FBXL7: variants seen among roughly 807,000 people sequenced by gnomAD.
FBXL7 encodes the protein F-box and leucine rich repeat protein 7.
In FBXL7, 12 loss-of-function variants were observed where a neutral mutation model predicts 38.3. The ratio of observed to expected loss-of-function variants is 0.31; its 90% confidence interval spans 0.20 to 0.51. FBXL7 has a LOEUF of 0.51. FBXL7 is among the 20% of genes least tolerant of loss of function. FBXL7 has a pLI of 0.98. For missense variants in FBXL7, 567 were observed against 676.4 expected (o/e 0.84, Z 1.79); for synonymous variants, 297 against 300.9 (o/e 0.99, Z 0.13).
chr5:15,685,977 T>G (rs1743003732), intron 2 of FBXL7, among the ~76,000 whole-genome samples: 1 of 152,090 alleles, frequency 6.6e-6, no homozygotes, highest in Admixed American at 6.5e-5. Context: ...AGAACAACAG[T>G]CCCGGGGGGA....
At chr5:15,760,242 C>T (rs1736404435) in intron 2 of FBXL7, among the ~76,000 whole-genome samples, 1 of 151,988 alleles carries the variant, frequency 6.6e-6, no homozygotes. Flanking sequence ...AAAGCATGCA[C>T]AAACCATAGC....
intron 2 of FBXL7, among the ~76,000 whole-genome samples, chr5:15,694,620 AG>A (rs1579384355): frequency 6.6e-6 from 1 of 152,314 alleles, no homozygotes; most frequent in East Asian, 1.9e-4. Context: ...CTCGAGGAAT[AG>A]CTGTAGGACA....
At chr5:15,629,956 G>A (rs1302900305) in intron 2 of FBXL7, among the ~76,000 whole-genome samples, 4 of 152,010 alleles carry the variant, frequency 2.6e-5, no homozygotes, top group African/African-American at 9.7e-5. Context: ...GGAAACTTGA[G>A]GTACATCATG....
At chr5:15,591,640 A>G (rs1003277179) in intron 1 of FBXL7, among the ~76,000 whole-genome samples, 24 of 152,256 alleles carry the variant, frequency 1.6e-4, no homozygotes, top group African/African-American at 5.5e-4. Flanking sequence ...CTCAAATAAC[A>G]TCAGTCCCCT....
At chr5:15,765,156 G>C (rs1242606960) in intron 2 of FBXL7, among the ~76,000 whole-genome samples, 2 of 151,978 alleles carry the variant, frequency 1.3e-5, no homozygotes, top group Non-Finnish European at 2.9e-5. Flanking sequence ...ACCCTTCTTG[G>C]TGCACAGGTG....
chr5:15,669,363 G>A (rs1018889912), intron 2 of FBXL7, among the ~76,000 whole-genome samples: 4 of 152,060 alleles, frequency 2.6e-5, no homozygotes, highest in African/African-American at 9.7e-5. Flanking sequence ...CTTACTGAGG[G>A]GGAATAATTG....
At chr5:15,819,920 A>T (rs1738126405) in intron 2 of FBXL7, among the ~76,000 whole-genome samples, 1 of 152,160 alleles carries the variant, frequency 6.6e-6, no homozygotes, top group Non-Finnish European at 1.5e-5. Flanking sequence ...TAGAATACAG[A>T]AACTATGGCC....
chr5:15,867,033 A>G (rs897227616), intron 2 of FBXL7, among the ~76,000 whole-genome samples: 2 of 152,190 alleles, frequency 1.3e-5, no homozygotes, highest in Admixed American at 6.5e-5. Flanking sequence ...GAGGTGAGGC[A>G]TAGAGCAGCG....
At chr5:15,844,366 G>A (rs1438225507) in intron 2 of FBXL7, among the ~76,000 whole-genome samples, 1 of 152,202 alleles carries the variant, frequency 6.6e-6, no homozygotes, top group Non-Finnish European at 1.5e-5. Context: ...TGTGAGAGGA[G>A]TTGGGCTTGA....
At chr5:15,711,430 C>A (rs900012361) in intron 2 of FBXL7, among the ~76,000 whole-genome samples, 1 of 152,214 alleles carries the variant, frequency 6.6e-6, no homozygotes, top group Admixed American at 6.5e-5. Context: ...TAAGAGCTCA[C>A]CTTCCTCCAG....
chr5:15,580,639 C>G, intron 1 of FBXL7: 4 of 985,410 alleles, frequency 4.1e-6, no homozygotes, highest in Non-Finnish European at 4.8e-6. Context: ...CCATGCTTGC[C>G]TGGGAGAAAA....
rs1377562354 is a variant in FBXL7 at position 15,939,691 on chromosome 5, T to TTTG, written c.*2517_*2519dup. Reference sequence around the variant, plus strand: ...GCTCTGCTAAATTGAATGCTCATTGTTTGTTGTTGTTGTTTTTTAATTCTA... The same window carrying TTTG: ...GCTCTGCTAAATTGAATGCTCATTGTTTGTTGTTGTTGTTGTTTTTTAATTCTA... On this transcript the variant is annotated 3_prime_UTR_variant, in exon 4 of 4. Transcript: ENST00000504595. 2.0e-5 allele frequency: 3 copies of TTTG among 152,632 alleles called. No homozygotes were observed. The highest frequency in any genetic ancestry group is 1.3e-4 in the Admixed American group (2 of 15,282). 9.5% of individuals were successfully genotyped at this position (152,632 alleles called of 1,614,324 possible). A position where few individuals can be genotyped will look rare whatever the true frequency, so the allele number is the denominator to read the frequency against.
At position 15,677,448 on chromosome 5, in the gene FBXL7, C is replaced by T. The variant is rs528130448; in HGVS notation, c.127+61376C>T. ...CACCATTGCACTCCAGCCTGGGCATCGCAGCAACACTCCAAAAAAGAAAGA... is the reference window on the plus strand; with the variant it reads ...CACCATTGCACTCCAGCCTGGGCATTGCAGCAACACTCCAAAAAAGAAAGA... On this transcript the variant is annotated intron_variant, in intron 2 of 3. Transcript: ENST00000504595. Among the ~76,000 whole-genome samples the T allele has an allele frequency of 2.6e-3, 375 of 146,830 alleles. 3 individuals are homozygous for T. The highest frequency in any genetic ancestry group is 4.5e-3 in the Non-Finnish European group (302 of 67,332).
intron 2 of FBXL7, among the ~76,000 whole-genome samples, chr5:15,669,669 G>A (rs77525448): frequency 0.15 from 22,471 of 152,034 alleles, 1,815 homozygotes; most frequent in Non-Finnish European, 0.18. Context: ...GGTATCACCC[G>A]TGCTCCCTCC....
At chr5:15,796,653 T>G (rs1172768042) in intron 2 of FBXL7, among the ~76,000 whole-genome samples, 1 of 152,180 alleles carries the variant, frequency 6.6e-6, no homozygotes, top group Non-Finnish European at 1.5e-5. Flanking sequence ...GACATCCATT[T>G]CTCATATGCT....
At chr5:15,625,008 G>A (rs1740767193) in intron 2 of FBXL7, among the ~76,000 whole-genome samples, 1 of 151,868 alleles carries the variant, frequency 6.6e-6, no homozygotes, top group African/African-American at 2.4e-5. Context: ...ATGAGTTGGA[G>A]TATCCAGAGG....
At position 15,500,724 on chromosome 5, in the gene FBXL7, CG is replaced by C; in HGVS notation, c.37+12del. The C allele has an allele frequency of 1.2e-6, 2 of 1,603,948 alleles. No homozygotes were observed. The highest frequency in any genetic ancestry group is 4.6e-5 in the East Asian group (2 of 43,194). ...AGTACGGCAGTGAGGGTGAGTGGGC[CG>C]CCCGTCCTCAGACTCCCGGATCGCG... On this transcript the variant is annotated intron_variant, in intron 1 of 3. Transcript: ENST00000504595.
intron 1 of FBXL7, among the ~76,000 whole-genome samples, chr5:15,588,576 AG>A (rs1277300203): frequency 6.6e-6 from 1 of 152,002 alleles, no homozygotes; most frequent in African/African-American, 2.4e-5. Context: ...TAGTAGAGAC[AG>A]GGTTTCAGCA....
At chr5:15,656,924 A>G (rs1172340351) in intron 2 of FBXL7, among the ~76,000 whole-genome samples, 1 of 152,172 alleles carries the variant, frequency 6.6e-6, no homozygotes, top group African/African-American at 2.4e-5. Context: ...AAATGCAGTT[A>G]GGAAAGTTGG....
Sources: gnomAD v4.1 joint callset for allele counts (sites outside exome capture counted in the v4.1 genomes callset) on GRCh38, gnomAD v4.1.1 for gene constraint, MANE v1.5 for transcripts, NCBI Gene and HGNC (gene_info 2026-07-23, HGNC 2026-07-21) for gene names.